The following NUAK1 variants were observed in gnomAD, a reference collection of about 807,000 sequenced individuals.
The protein encoded by NUAK1 is NUAK family kinase 1.
Under a neutral mutation model 56.9 loss-of-function variants are expected in NUAK1, and 26 were observed. The observed-to-expected ratio is 0.46, with a 90% CI of 0.33 to 0.63. The LOEUF is 0.63. Among genes scored for constraint, NUAK1 ranks in the 30% least tolerant of loss-of-function variants. The pLI, the probability that NUAK1 is intolerant of heterozygous loss-of-function variation, is 0.02. For missense variants in NUAK1, 727 were observed against 876.1 expected (o/e 0.83, Z 2.15); for synonymous variants, 337 against 336.0 (o/e 1.00, Z -0.03).
At chr12:106,087,978 A>G (rs1209437089) in intron 2 of NUAK1, among the ~76,000 whole-genome samples, 2 of 152,100 alleles carry the variant, frequency 1.3e-5, no homozygotes, top group African/African-American at 2.4e-5. Flanking sequence ...TTCTCACTCA[A>G]CCTCCACACC....
chr12:106,090,549 A>T (rs1383896068), intron 2 of NUAK1, among the ~76,000 whole-genome samples: 2 of 152,142 alleles, frequency 1.3e-5, no homozygotes, highest in Non-Finnish European at 2.9e-5. Flanking sequence ...GTGAATAATA[A>T]TTCCCATAAC....
At position 106,138,842 on chromosome 12, in the gene NUAK1, G is replaced by C; in HGVS notation, c.-189C>G. 1.4e-6 allele frequency: 1 copy of C among 710,070 alleles called. No individual in the cohort carries two copies. The highest frequency in any genetic ancestry group is 2.0e-6 in the Non-Finnish European group (1 of 500,290). 44.0% of individuals were successfully genotyped at this position (710,070 alleles called of 1,614,324 possible). On this transcript the variant is annotated 5_prime_UTR_variant, in exon 1 of 7. Coordinates refer to ENST00000261402, the MANE Select transcript of NUAK1 (RefSeq NM_014840.3). This position sits in a 1 kb window ranked among gnomAD's most constrained non-coding sequence, Gnocchi z 5.0. ...CGGGGACTGCACATCTGGCGCCCGCGGCGCGCACGGTCCGCGCACCGCCCC... is the reference window on the plus strand; with the variant it reads ...CGGGGACTGCACATCTGGCGCCCGCCGCGCGCACGGTCCGCGCACCGCCCC...
intron 4 of NUAK1, among the ~76,000 whole-genome samples, chr12:106,076,589 AGTTTTTATT>A (rs1169520613): frequency 1.3e-5 from 2 of 152,078 alleles, no homozygotes; most frequent in Non-Finnish European, 2.9e-5. Context: ...TAATATTTGG[AGTTTTTATT>A]GTTATCAAGC....
intron 2 of NUAK1, among the ~76,000 whole-genome samples, chr12:106,093,276 T>C (rs2032655810): frequency 6.6e-6 from 1 of 152,244 alleles, no homozygotes; most frequent in Non-Finnish European, 1.5e-5. Context: ...TCCTTTTTCT[T>C]TGACTATTCC....
intron 1 of NUAK1, among the ~76,000 whole-genome samples, chr12:106,128,126 T>C (rs1008167120): frequency 2.1e-5 from 3 of 143,312 alleles, no homozygotes; most frequent in Admixed American, 1.4e-4. Context: ...ATTCTCTCTT[T>C]TCTTTTTCTT....
intron 2 of NUAK1, among the ~76,000 whole-genome samples, chr12:106,093,474 C>T (rs1277329604): frequency 5.3e-5 from 8 of 152,216 alleles, no homozygotes; most frequent in Non-Finnish European, 2.9e-5. Context: ...CTGGTTTTCA[C>T]AACCAGGCTA....
In NUAK1 at chr12:106,086,887, T is replaced by C; in HGVS notation, c.362-2A>G. 1 of 1,611,822 alleles carries C rather than the reference T, an allele frequency of 6.2e-7. No homozygotes were observed. Among genetic ancestry groups the C allele is most frequent in the Non-Finnish European group, 8.5e-7 (1 of 1,178,068 alleles). ...CAATCTTATCTTTGTTCTCAAACACTGCAGAGGGAAAACAGCAATACACAA... is the reference window on the plus strand; with the variant it reads ...CAATCTTATCTTTGTTCTCAAACACCGCAGAGGGAAAACAGCAATACACAA... On this transcript the variant is annotated splice_acceptor_variant, in intron 2 of 6. Transcript: ENST00000261402. LOFTEE classifies it high-confidence loss of function.
chr12:106,109,736 T>C (rs2032839822), intron 1 of NUAK1, among the ~76,000 whole-genome samples: 2 of 152,178 alleles, frequency 1.3e-5, no homozygotes, highest in South Asian at 4.2e-4. Flanking sequence ...TTACATAACC[T>C]CTCTGTGCAC....
chr12:106,126,969 C>G (rs1389128833), intron 1 of NUAK1, among the ~76,000 whole-genome samples: 1 of 152,190 alleles, frequency 6.6e-6, no homozygotes, highest in Non-Finnish European at 1.5e-5. Flanking sequence ...AGCTGCCCAG[C>G]AGAACATGAG....
At chr12:106,107,072 C>G (rs2032810834) in intron 1 of NUAK1, among the ~76,000 whole-genome samples, 2 of 152,136 alleles carry the variant, frequency 1.3e-5, no homozygotes, top group African/African-American at 4.8e-5. Flanking sequence ...GAATTCCTTC[C>G]TACATCCTTC....
At chr12:106,119,934 A>C (rs2032956726) in intron 1 of NUAK1, among the ~76,000 whole-genome samples, 1 of 152,160 alleles carries the variant, frequency 6.6e-6, no homozygotes, top group South Asian at 2.1e-4. Flanking sequence ...AAATGCCTAC[A>C]ATGTTTAAGA....
intron 1 of NUAK1, among the ~76,000 whole-genome samples, chr12:106,118,175 T>G (rs1260447162): frequency 4.6e-5 from 7 of 152,094 alleles, no homozygotes; most frequent in African/African-American, 1.7e-4. Context: ...CTCCCACCTA[T>G]AGATACAATG....
chr12:106,080,137 C>G (rs1221450304), intron 4 of NUAK1, among the ~76,000 whole-genome samples: 1 of 152,258 alleles, frequency 6.6e-6, no homozygotes, highest in Non-Finnish European at 1.5e-5. Flanking sequence ...TCAGCTGCCC[C>G]ACTTGGTCTT....
intron 1 of NUAK1, among the ~76,000 whole-genome samples, chr12:106,109,153 G>C (rs2032833629): frequency 6.6e-6 from 1 of 152,226 alleles, no homozygotes; most frequent in African/African-American, 2.4e-5. Flanking sequence ...CTGGAGGGAA[G>C]ACATTCAGCT....
intron 2 of NUAK1, among the ~76,000 whole-genome samples, chr12:106,105,007 G>A (rs963336045): frequency 2.0e-5 from 3 of 150,058 alleles, no homozygotes; most frequent in African/African-American, 7.4e-5. Context: ...AGGCTGGAAT[G>A]CAGTGGCACG....
chr12:106,100,054 A>G (rs1021545194), intron 2 of NUAK1, among the ~76,000 whole-genome samples: 8 of 143,490 alleles, frequency 5.6e-5, no homozygotes, highest in Non-Finnish European at 1.2e-4. Context: ...TACCAAAAAT[A>G]CCTCACTTGA....
intron 1 of NUAK1, among the ~76,000 whole-genome samples, chr12:106,124,476 A>T (rs184859348): frequency 2.8e-4 from 43 of 152,300 alleles, no homozygotes; most frequent in African/African-American, 9.9e-4. Flanking sequence ...TCAGTAGGCA[A>T]AACTGATGAA....
At chr12:106,077,401 C>T (rs1483509841) in intron 4 of NUAK1, among the ~76,000 whole-genome samples, 1 of 152,200 alleles carries the variant, frequency 6.6e-6, no homozygotes, top group Non-Finnish European at 1.5e-5. Flanking sequence ...AAATTACAGC[C>T]ATTATGGTAA....
chr12:106,091,970 A>G (rs1237490793), intron 2 of NUAK1, among the ~76,000 whole-genome samples: 1 of 151,912 alleles, frequency 6.6e-6, no homozygotes, highest in Admixed American at 6.6e-5. Context: ...CCGAGATGGG[A>G]GGATTGCTTG....
Sources: gnomAD v4.1 joint callset for allele counts (sites outside exome capture counted in the v4.1 genomes callset) on GRCh38, gnomAD v4.1.1 for gene constraint, Gnocchi (gnomAD v3.1) non-coding constraint, MANE v1.5 for transcripts, NCBI Gene and HGNC (gene_info 2026-07-23, HGNC 2026-07-21) for gene names.